The following KLHL32 variants were observed in gnomAD, a reference collection of about 807,000 sequenced individuals.
KLHL32 encodes kelch-like protein 32.
KLHL32 carries 35 observed loss-of-function variants against 64.8 expected under a neutral mutation model. The observed-to-expected ratio is 0.54, with a 90% CI of 0.41 to 0.72. The LOEUF (loss-of-function observed/expected upper bound fraction) is 0.72, where lower values mean the gene tolerates loss of function less well. Ranked by LOEUF, KLHL32 falls within the 30% of genes least tolerant of loss-of-function variation. KLHL32 has a pLI of 0.00. For missense variants in KLHL32, 589 were observed against 768.5 expected, an observed-to-expected ratio of 0.77 and a Z score of 2.76; for synonymous variants, 259 against 281.0, an observed-to-expected ratio of 0.92 and a Z score of 0.78.
At chr6:96,964,683 ATGTGTTTGC>A (rs1450268823) in intron 1 of KLHL32, among the ~76,000 whole-genome samples, 1 of 152,138 alleles carries the variant, frequency 6.6e-6, no homozygotes, top group Non-Finnish European at 1.5e-5. Flanking sequence ...ACAAAAACAA[ATGTGTTTGC>A]TAGCAAATTT....
At chr6:96,919,265 C>A in the KLHL32 span, among the ~76,000 whole-genome samples, 4 of 152,098 alleles carry the variant, frequency 2.6e-5, no homozygotes, top group Non-Finnish European at 5.9e-5. Flanking sequence ...TATCAATAAT[C>A]AATTTCAGTT....
At chr6:96,981,058 G>C (rs935279049) in intron 3 of KLHL32, among the ~76,000 whole-genome samples, 7 of 152,090 alleles carry the variant, frequency 4.6e-5, no homozygotes, top group Admixed American at 3.9e-4. Context: ...GATCTCATGA[G>C]AACTCACTCA....
chr6:97,129,519 C>T (rs1799215908), intron 8 of KLHL32, among the ~76,000 whole-genome samples: 1 of 152,194 alleles, frequency 6.6e-6, no homozygotes, highest in Non-Finnish European at 1.5e-5. Flanking sequence ...TGGGCATACT[C>T]TTCCCATTAC....
At chr6:97,138,558 A>C (rs1198767672) in intron 10 of KLHL32, among the ~76,000 whole-genome samples, 1 of 151,976 alleles carries the variant, frequency 6.6e-6, no homozygotes, top group East Asian at 1.9e-4. Flanking sequence ...AAAACAACAA[A>C]AAAACCCCAA....
At chr6:97,131,276 T>TAAC (rs2128221949) in intron 9 of KLHL32, among the ~76,000 whole-genome samples, 1 of 152,344 alleles carries the variant, frequency 6.6e-6, no homozygotes, top group African/African-American at 2.4e-5. Flanking sequence ...AAGGATTTAA[T>TAAC]AACTCTTTAC....
At chr6:96,907,672 ACT>A in the KLHL32 span, among the ~76,000 whole-genome samples, 1 of 151,932 alleles carries the variant, frequency 6.6e-6, no homozygotes. Flanking sequence ...CAGAAGAGTG[ACT>A]CTGTGATCTT....
At chr6:97,103,977 A>T (rs1364504707) in intron 6 of KLHL32, among the ~76,000 whole-genome samples, 2 of 152,224 alleles carry the variant, frequency 1.3e-5, no homozygotes, top group African/African-American at 4.8e-5. Context: ...AATTTATTTT[A>T]AAAATGAGAG....
At chr6:96,994,229 A>G (rs942078684) in intron 3 of KLHL32, among the ~76,000 whole-genome samples, 3 of 152,212 alleles carry the variant, frequency 2.0e-5, no homozygotes, top group African/African-American at 7.2e-5. Context: ...ATCAAACTGA[A>G]ACATCTGGAA....
upstream of KLHL32, among the ~76,000 whole-genome samples, chr6:96,923,783 T>C (rs1308626562): frequency 6.6e-6 from 1 of 152,240 alleles, no homozygotes; most frequent in Non-Finnish European, 1.5e-5. Flanking sequence ...TTTACTCCAA[T>C]TTAGTTACAC....
At chr6:97,110,968 G>C (rs530791018) in intron 6 of KLHL32, among the ~76,000 whole-genome samples, 8 of 150,062 alleles carry the variant, frequency 5.3e-5, no homozygotes, top group Non-Finnish European at 7.4e-5. Context: ...CATTATAAAA[G>C]AACAGATAAG....
At chr6:96,902,783 T>C in the KLHL32 span, among the ~76,000 whole-genome samples, 1 of 152,096 alleles carries the variant, frequency 6.6e-6, no homozygotes, top group South Asian at 2.1e-4. Flanking sequence ...AAGGAAGGGG[T>C]CCAGTTTTAA....
chr6:97,138,069 TAGAGA>T (rs915350442), intron 10 of KLHL32, among the ~76,000 whole-genome samples: 2 of 152,152 alleles, frequency 1.3e-5, no homozygotes, highest in African/African-American at 4.8e-5. Context: ...TTTAAATAGT[TAGAGA>T]AAAGTCAAAT....
chr6:97,014,974 C>A (rs1348251656), intron 3 of KLHL32, among the ~76,000 whole-genome samples: 1 of 152,096 alleles, frequency 6.6e-6, no homozygotes, highest in Non-Finnish European at 1.5e-5. Flanking sequence ...GCGGTGGTTT[C>A]CCCCATGGTG....
At chr6:97,017,396 A>T (rs1319320831) in intron 3 of KLHL32, among the ~76,000 whole-genome samples, 1 of 152,218 alleles carries the variant, frequency 6.6e-6, no homozygotes. Context: ...CATCATTGGG[A>T]GAGTTGCTGC....
chr6:97,132,548 C>G, intron 9 of KLHL32, 105 bp from the exon 10 acceptor site: 1 of 804,802 alleles, frequency 1.2e-6, no homozygotes, highest in Non-Finnish European at 2.0e-6. Context: ...ATGGAGTATA[C>G]AAATGTGCCA....
intron 3 of KLHL32, among the ~76,000 whole-genome samples, chr6:96,996,064 C>G (rs1396177704): frequency 6.6e-6 from 1 of 152,178 alleles, no homozygotes; most frequent in Non-Finnish European, 1.5e-5. Context: ...TTGGAAGCCC[C>G]TCTGACAGTG....
intron 4 of KLHL32, among the ~76,000 whole-genome samples, chr6:97,062,697 G>A (rs915021417): frequency 6.6e-6 from 1 of 152,200 alleles, no homozygotes; most frequent in Non-Finnish European, 1.5e-5. Flanking sequence ...TATGTGTGCT[G>A]AACATTGTTC....
At chr6:96,908,255 C>A in the KLHL32 span, among the ~76,000 whole-genome samples, 1 of 152,120 alleles carries the variant, frequency 6.6e-6, no homozygotes, top group Non-Finnish European at 1.5e-5. Context: ...CATGGTAGCC[C>A]AGGGTACAAA....
Position 97,139,416 on chromosome 6 carries a change from G to A in KLHL32, c.*134G>A. ...ATTCGGATAAATTTAAGCAAAAAAT[G>A]AACAATTTTCTAAAATACGTTATTG... is the stretch of plus-strand genomic sequence containing the variant. On this transcript the variant is annotated 3_prime_UTR_variant, in exon 11 of 11. Coordinates refer to ENST00000369261, the MANE Select transcript of KLHL32 (RefSeq NM_052904.4). 1 of 769,346 alleles carries A rather than the reference G, an allele frequency of 1.3e-6. No homozygotes were observed. The highest frequency in any genetic ancestry group is 2.0e-6 in the Non-Finnish European group (1 of 490,560). 47.7% of individuals were successfully genotyped at this position (769,346 alleles called of 1,614,324 possible).
Sources: gnomAD v4.1 joint callset for allele counts (sites outside exome capture counted in the v4.1 genomes callset) on GRCh38, gnomAD v4.1.1 for gene constraint, MANE v1.5 for transcripts, NCBI Gene and HGNC (gene_info 2026-07-23, HGNC 2026-07-21) for gene names.